The following PBRM1 variants were observed in gnomAD, a reference collection of about 807,000 sequenced individuals.
PBRM1 encodes polybromo 1.
Under a neutral mutation model 194.5 loss-of-function variants are expected in PBRM1, and 27 were observed. That is an observed-to-expected ratio of 0.14 (90% confidence interval 0.10 to 0.19). The LOEUF (loss-of-function observed/expected upper bound fraction) is 0.19. PBRM1 is among the 10% of genes least tolerant of loss of function. PBRM1 has a pLI of 1.00. For missense variants in PBRM1, 1,466 were observed against 2,077.2 expected (o/e 0.71, Z 5.72); for synonymous variants, 655 against 693.2 (o/e 0.94, Z 0.87).
downstream of PBRM1, chr3:52,545,924 T>A (rs2079623128): frequency 4.3e-6 from 1 of 232,934 alleles, no homozygotes. Context: ...CCCAAGTTAA[T>A]ATACAGAAAA....
intron 17 of PBRM1, among the ~76,000 whole-genome samples, chr3:52,591,520 T>G (rs2093046294): frequency 1.5e-5 from 2 of 136,084 alleles, no homozygotes; most frequent in African/African-American, 5.5e-5. Flanking sequence ...TGTTTTTTTT[T>G]TTTTTTTTTT....
chr3:52,589,718 T>C (rs1167447598), intron 17 of PBRM1, among the ~76,000 whole-genome samples: 2 of 152,220 alleles, frequency 1.3e-5, no homozygotes, highest in Admixed American at 1.3e-4. Flanking sequence ...TGAAGAAATA[T>C]AGAATACATA....
intron 26 of PBRM1, among the ~76,000 whole-genome samples, chr3:52,557,628 T>C (rs1559847187): frequency 1.3e-5 from 2 of 152,110 alleles, no homozygotes; most frequent in Non-Finnish European, 1.5e-5. Context: ...TTTCTTTTTT[T>C]TTTTCTTAAA....
chr3:52,642,466 A>G (rs1223469681), intron 9 of PBRM1, among the ~76,000 whole-genome samples: 1 of 151,958 alleles, frequency 6.6e-6, no homozygotes, highest in African/African-American at 2.4e-5. Flanking sequence ...AATACAAAAA[A>G]TTAGCCGGGT....
At chr3:52,637,249 G>A (rs909191579) in intron 10 of PBRM1, among the ~76,000 whole-genome samples, 2 of 152,062 alleles carry the variant, frequency 1.3e-5, no homozygotes, top group Non-Finnish European at 2.9e-5. Flanking sequence ...TGTCACTGTA[G>A]GCTGGCTAGT....
At chr3:52,567,067 CA>C (rs936466298) in intron 22 of PBRM1, among the ~76,000 whole-genome samples, 5,167 of 59,922 alleles carry the variant, frequency 0.086, 120 homozygotes, top group African/African-American at 0.19. Flanking sequence ...GACTCCATCT[CA>C]AAAAAAAAAA....
At chr3:52,579,872 G>A (rs2090652180) in intron 20 of PBRM1, among the ~76,000 whole-genome samples, 1 of 152,170 alleles carries the variant, frequency 6.6e-6, no homozygotes, top group Admixed American at 6.6e-5. Context: ...CATTACTATA[G>A]TGTAAGGGGC....
At chr3:52,547,427 G>A, downstream of PBRM1, 1 of 233,328 alleles carries the variant, frequency 4.3e-6, no homozygotes. Flanking sequence ...TCTGTAGTGA[G>A]CCTCTGAGTT....
chr3:52,612,742 A>T (rs1014618213), intron 15 of PBRM1, among the ~76,000 whole-genome samples: 1 of 152,052 alleles, frequency 6.6e-6, no homozygotes, highest in Non-Finnish European at 1.5e-5. Flanking sequence ...TGTCTCTATT[A>T]AAAATACAAA....
At chr3:52,565,491 G>C (rs1559911448) in intron 22 of PBRM1, among the ~76,000 whole-genome samples, 1 of 150,604 alleles carries the variant, frequency 6.6e-6, no homozygotes, top group Non-Finnish European at 1.5e-5. Flanking sequence ...CTGGGCAATA[G>C]AGCGAGACTC....
chr3:52,561,707 G>A lies in PBRM1; in HGVS notation c.4288+60C>T, dbSNP rs534792907. On this transcript the variant is annotated intron_variant, in intron 25 of 29. Coordinates refer to ENST00000296302, the Ensembl canonical transcript of PBRM1. ...GAACAAGAGTAAAACCTGTCTGTGC[G>A]CGTGCATTCCTGAAACACCCCCTTG... The A allele has an allele frequency of 3.5e-5, 49 of 1,386,620 alleles. No homozygotes were observed. The Admixed American group carries it at 4.9e-4, about 14-fold the overall frequency. The allele number at this position is 1,386,620 out of a possible 1,614,324, so 85.9% of individuals were successfully genotyped here.
At chr3:52,637,424 G>C (rs2095862546) in intron 10 of PBRM1, among the ~76,000 whole-genome samples, 1 of 152,020 alleles carries the variant, frequency 6.6e-6, no homozygotes, top group Non-Finnish European at 1.5e-5. Context: ...CTGAGCTCAG[G>C]CGTTTGAGAC....
At chr3:52,553,418 A>G (rs1340793334) in intron 27 of PBRM1, among the ~76,000 whole-genome samples, 1 of 152,062 alleles carries the variant, frequency 6.6e-6, no homozygotes, top group Non-Finnish European at 1.5e-5. Flanking sequence ...AAGAACTTCT[A>G]AGCTTCTGTT....
chr3:52,634,766 A>G, exon 11 of PBRM1: 4 of 1,614,110 alleles, frequency 2.5e-6, no homozygotes, highest in Non-Finnish European at 3.4e-6. Flanking sequence ...AAACATCCAT[A>G]AAGGAAGTGA....
At chr3:52,568,267 T>C (rs1161417946) in intron 22 of PBRM1, among the ~76,000 whole-genome samples, 1 of 152,104 alleles carries the variant, frequency 6.6e-6, no homozygotes, top group Non-Finnish European at 1.5e-5. Context: ...GTGTGAGTCA[T>C]CACACTGGGC....
intron 22 of PBRM1, among the ~76,000 whole-genome samples, chr3:52,572,346 G>C (rs2087667632): frequency 6.6e-6 from 1 of 152,000 alleles, no homozygotes; most frequent in South Asian, 2.1e-4. Context: ...GGTACTGTCT[G>C]CCACATGTGG....
chr3:52,561,828 G>A (rs1215505830), exon 25 of PBRM1: 3 of 1,614,008 alleles, frequency 1.9e-6, no homozygotes, highest in Non-Finnish European at 2.5e-6. Context: ...CCAGGCGGCT[G>A]AGCTCCCCGA....
intron 15 of PBRM1, 144 bp from the exon 18 acceptor site, chr3:52,610,099 A>G (rs2153428393): frequency 2.1e-6 from 1 of 486,178 alleles, no homozygotes; most frequent in East Asian, 3.3e-5. Flanking sequence ...TAACCTGCAG[A>G]CAAAAAAGTA....
chr3:52,593,399 G>A (rs906910192), intron 17 of PBRM1, among the ~76,000 whole-genome samples: 2 of 152,134 alleles, frequency 1.3e-5, no homozygotes, highest in African/African-American at 4.8e-5. Flanking sequence ...GCCATACCCA[G>A]CTAAATTTTG....
Sources: allele counts gnomAD v4.1 joint callset (sites outside exome capture counted in the v4.1 genomes callset), GRCh38; gene constraint gnomAD v4.1.1; transcripts MANE v1.5; gene names NCBI Gene and HGNC (gene_info 2026-07-23, HGNC 2026-07-21).